Variants in PTK2 observed in about 807,000 individuals in gnomAD.
PTK2 encodes focal adhesion kinase 1.
PTK2 carries 45 observed loss-of-function variants against 150.1 expected under a neutral mutation model. The ratio of observed to expected loss-of-function variants is 0.30; its 90% CI spans 0.24 to 0.38. The LOEUF (loss-of-function observed/expected upper bound fraction) is 0.38, where lower values mean the gene tolerates loss of function less well. Among genes scored for constraint, PTK2 ranks in the 10% least tolerant of loss-of-function variants. PTK2 has a pLI of 1.00. For missense variants in PTK2, 919 were observed against 1,307.3 expected (o/e 0.70, Z 4.58); for synonymous variants, 432 against 449.2 (o/e 0.96, Z 0.48).
At chr8:140,746,991 A>G (rs747045810) in intron 17 of PTK2, 131 bp from the exon 21 acceptor site, 1 of 613,750 alleles carries the variant, frequency 1.6e-6, no homozygotes, top group African/African-American at 1.9e-5. Context: ...CCTGGGTTCA[A>G]GTGATTCTCC....
intron 1 of PTK2, among the ~76,000 whole-genome samples, chr8:140,965,886 A>C (rs1205575820): frequency 2.0e-5 from 3 of 152,198 alleles, no homozygotes; most frequent in Non-Finnish European, 4.4e-5. Context: ...CAAAAAGAGA[A>C]AGATTCTAGG....
chr8:140,903,065 C>G (rs1218134574), intron 2 of PTK2, among the ~76,000 whole-genome samples: 1 of 148,588 alleles, frequency 6.7e-6, no homozygotes, highest in African/African-American at 2.5e-5. Flanking sequence ...ATGCCTATGT[C>G]CTGAATGGTA....
chr8:140,868,041 T>A (rs2100140370), intron 4 of PTK2, among the ~76,000 whole-genome samples: 1 of 152,158 alleles, frequency 6.6e-6, no homozygotes, highest in Non-Finnish European at 1.5e-5. Flanking sequence ...CCAAATAAAA[T>A]CATTCTTTCG....
At chr8:140,830,410 A>G in intron 8 of PTK2, 62 bp downstream of exon 8, 1 of 1,084,440 alleles carries the variant, frequency 9.2e-7, no homozygotes, top group Non-Finnish European at 1.3e-6. Flanking sequence ...GCAATTTACC[A>G]CTGGGGAAAA....
intron 1 of PTK2, among the ~76,000 whole-genome samples, chr8:140,936,165 T>TA (rs1603415714): frequency 6.6e-6 from 1 of 152,060 alleles, no homozygotes; most frequent in African/African-American, 2.4e-5. Flanking sequence ...TCTCTAAAAT[T>TA]AAAAAAATTA....
chr8:140,749,142 C>T (rs1339894417), intron 17 of PTK2, among the ~76,000 whole-genome samples: 2 of 152,110 alleles, frequency 1.3e-5, no homozygotes, highest in Admixed American at 6.5e-5. Context: ...AGAACAGGAC[C>T]TGGTAGTTTT....
At chr8:140,817,015 T>C (rs972354228) in intron 10 of PTK2, among the ~76,000 whole-genome samples, 3 of 152,244 alleles carry the variant, frequency 2.0e-5, no homozygotes. Context: ...TATGTCATTG[T>C]CTTGGGGCAG....
At chr8:140,784,041 T>C (rs959181713) in intron 14 of PTK2, among the ~76,000 whole-genome samples, 1 of 152,148 alleles carries the variant, frequency 6.6e-6, no homozygotes, top group Non-Finnish European at 1.5e-5. Flanking sequence ...TGCACAACTG[T>C]AGTCCCACCT....
chr8:140,867,275 G>A (rs928733449), intron 4 of PTK2, among the ~76,000 whole-genome samples: 2 of 152,144 alleles, frequency 1.3e-5, no homozygotes, highest in East Asian at 1.9e-4. Flanking sequence ...AGACTAGGAG[G>A]AGACAGCAAG....
intron 23 of PTK2, among the ~76,000 whole-genome samples, chr8:140,706,639 T>C (rs1020091658): frequency 3.3e-5 from 5 of 152,144 alleles, no homozygotes; most frequent in East Asian, 1.9e-4. Flanking sequence ...GAATGTAAAA[T>C]GGTGTAGTCA....
At chr8:140,815,846 A>G (rs2100104405) in intron 10 of PTK2, among the ~76,000 whole-genome samples, 1 of 152,150 alleles carries the variant, frequency 6.6e-6, no homozygotes, top group East Asian at 1.9e-4. Context: ...TTTAGGAGCT[A>G]CTCATAAAAC....
rs901248169 is a variant in PTK2, at chr8:140,770,648, A to C, written c.1178-6358T>G. On this transcript the variant is annotated intron_variant, in intron 14 of 31. Transcript: ENST00000522684. Reference sequence around the variant, plus strand: ...CTGTTCAGGATAATCTATAAGCATCAGGTTAGAGTTAGTTTCTCTGGAGTG... The same window carrying C: ...CTGTTCAGGATAATCTATAAGCATCCGGTTAGAGTTAGTTTCTCTGGAGTG... 1.6e-5 allele frequency: 11 copies of C among 708,804 alleles called. No homozygotes were observed. In the African/African-American group the frequency reaches 2.1e-4, roughly 13 times the overall value. 43.9% of individuals were successfully genotyped at this position (708,804 alleles called of 1,614,324 possible).
chr8:140,730,956 C>T (rs866060515), intron 22 of PTK2, among the ~76,000 whole-genome samples: 5 of 131,384 alleles, frequency 3.8e-5, no homozygotes, highest in African/African-American at 1.5e-4. Context: ...AAATTAAACC[C>T]CCCCCCCCCT....
chr8:140,956,239 A>G (rs557485347), intron 1 of PTK2, among the ~76,000 whole-genome samples: 1 of 152,378 alleles, frequency 6.6e-6, no homozygotes, highest in South Asian at 2.1e-4. Context: ...AAGCTTCCAA[A>G]GAATTTTTTA....
intron 1 of PTK2, among the ~76,000 whole-genome samples, chr8:140,963,042 G>A (rs1356229784): frequency 6.6e-6 from 1 of 152,034 alleles, no homozygotes; most frequent in African/African-American, 2.4e-5. Flanking sequence ...TACAAAAGCA[G>A]ATTTGGCCCA....
At chr8:140,998,529 G>C (rs928136986) in intron 1 of PTK2, among the ~76,000 whole-genome samples, 1 of 151,652 alleles carries the variant, frequency 6.6e-6, no homozygotes, top group African/African-American at 2.4e-5. Flanking sequence ...AAAACAACAG[G>C]ATCTTCAGGC....
At chr8:140,799,469 T>G (rs547789302) in intron 12 of PTK2, among the ~76,000 whole-genome samples, 1 of 152,350 alleles carries the variant, frequency 6.6e-6, no homozygotes, top group East Asian at 1.9e-4. Context: ...AAACCCACAT[T>G]CAGAGTCCCC....
chr8:140,968,243 G>A (rs2100185987), intron 1 of PTK2, among the ~76,000 whole-genome samples: 1 of 152,074 alleles, frequency 6.6e-6, no homozygotes, highest in Non-Finnish European at 1.5e-5. Context: ...TGTATGCATA[G>A]CAAATGACGA....
chr8:140,910,827 C>T (rs562893139), intron 2 of PTK2, among the ~76,000 whole-genome samples: 2 of 152,130 alleles, frequency 1.3e-5, no homozygotes, highest in African/African-American at 4.8e-5. Flanking sequence ...CAGACTGCTT[C>T]AAGCTCTTTA....
Sources: allele counts gnomAD v4.1 joint callset (sites outside exome capture counted in the v4.1 genomes callset), GRCh38; gene constraint gnomAD v4.1.1; transcripts MANE v1.5; gene names NCBI Gene and HGNC (gene_info 2026-07-23, HGNC 2026-07-21).